FOXK1: variants seen among roughly 807,000 people sequenced by gnomAD.
FOXK1 encodes forkhead box K1.
FOXK1 carries 19 observed loss-of-function variants against 51.9 expected under a neutral mutation model. The observed-to-expected ratio is 0.37, with a 90% confidence interval of 0.26 to 0.54. The LOEUF is 0.54. FOXK1 is among the 20% of genes least tolerant of loss of function. The pLI is 0.87. For missense variants in FOXK1, 870 were observed against 1,032.7 expected (o/e 0.84, Z 2.16); for synonymous variants, 537 against 482.6 (o/e 1.11, Z -1.48).
In FOXK1 at chr7:4,755,442, C is replaced by G. The variant is rs1780834467; in HGVS notation, c.1050+59C>G. Reference sequence around the variant, plus strand: ...GAAGGCCCTTAGAACATGGAACTCACAGGCATATTGCTTCCCTTAAAACAG... The same window carrying G: ...GAAGGCCCTTAGAACATGGAACTCAGAGGCATATTGCTTCCCTTAAAACAG... On this transcript the variant is annotated intron_variant, in intron 4 of 8. Coordinates refer to ENST00000328914, the MANE Select transcript of FOXK1 (RefSeq NM_001037165.2). The surrounding 1 kb of genome is among the most constrained non-coding windows in gnomAD (Gnocchi z 6.6). The G allele has an allele frequency of 6.3e-7, 1 of 1,591,204 alleles. No individual in the cohort carries two copies. Among genetic ancestry groups the G allele is most frequent in the African/African-American group, 1.3e-5 (1 of 74,526 alleles).
Position 4,731,975 on chromosome 7 carries a change from GC to G in FOXK1, c.561-8862del, listed in dbSNP as rs1288057108. Among the ~76,000 whole-genome samples, 1 of 152,214 alleles carries G rather than the reference GC, an allele frequency of 6.6e-6. No homozygotes were observed. The highest frequency in any genetic ancestry group is 6.5e-5 in the Admixed American group (1 of 15,268). On this transcript the variant is annotated intron_variant, in intron 1 of 8. Transcript: ENST00000328914. This position sits in a 1 kb window ranked among gnomAD's most constrained non-coding sequence, Gnocchi z 5.3. ...CGGAGGCCGGGCTGGCCAGGGCGGGGCTCAGATTCAGTGACTTGCCCAGGTG... is the reference window on the plus strand; with the variant it reads ...CGGAGGCCGGGCTGGCCAGGGCGGGGTCAGATTCAGTGACTTGCCCAGGTG...
At chr7:4,688,482 C>T (rs538748103) in intron 1 of FOXK1, among the ~76,000 whole-genome samples, 11 of 151,942 alleles carry the variant, frequency 7.2e-5, no homozygotes, top group African/African-American at 2.7e-4. Context: ...CTCACTGCAA[C>T]CTCCCAGGTT....
chr7:4,724,964 AGTGGG>A (rs1780359866), intron 1 of FOXK1, among the ~76,000 whole-genome samples: 1 of 152,230 alleles, frequency 6.6e-6, no homozygotes, highest in African/African-American at 2.4e-5. Flanking sequence ...ACAGAAAAAT[AGTGGG>A]GACAGGGAGA....
At chr7:4,726,911 T>C (rs1780388168) in intron 1 of FOXK1, among the ~76,000 whole-genome samples, 1 of 152,214 alleles carries the variant, frequency 6.6e-6, no homozygotes. Context: ...CTGGTATATA[T>C]AATAATAGCA....
intron 7 of FOXK1, among the ~76,000 whole-genome samples, chr7:4,760,724 G>T (rs892819335): frequency 1.3e-5 from 2 of 151,952 alleles, no homozygotes; most frequent in Non-Finnish European, 2.9e-5. Context: ...GGTGGCAGGC[G>T]CCTGTAGTCC....
chr7:4,741,157 A>G (rs1583204520), intron 2 of FOXK1, 134 bp downstream of exon 2: 2 of 616,248 alleles, frequency 3.2e-6, no homozygotes, highest in Admixed American at 4.3e-5. Context: ...AAAGTGTTGT[A>G]CGTCCATCCG....
Position 4,722,889 on chromosome 7 carries a change from G to A in FOXK1, c.561-17949G>A, listed in dbSNP as rs891117410. Among the ~76,000 whole-genome samples, 1 of 152,126 alleles carries A rather than the reference G, an allele frequency of 6.6e-6. No homozygotes were observed. Among genetic ancestry groups the A allele is most frequent in the South Asian group, 2.1e-4 (1 of 4,820 alleles). On this transcript the variant is annotated intron_variant, in intron 1 of 8. Coordinates refer to ENST00000328914, the MANE Select transcript of FOXK1 (RefSeq NM_001037165.2). The surrounding 1 kb of genome is among the most constrained non-coding windows in gnomAD (Gnocchi z 5.1). Reference sequence around the variant, plus strand: ...CCCGCAGAATTGGCATCCAGGTGAGGTGCCTGTGGGCAGAGCTGTTGATGG... The same window carrying A: ...CCCGCAGAATTGGCATCCAGGTGAGATGCCTGTGGGCAGAGCTGTTGATGG...
chr7:4,737,288 G>C (rs888688360), intron 1 of FOXK1, among the ~76,000 whole-genome samples: 38 of 152,216 alleles, frequency 2.5e-4, no homozygotes, highest in African/African-American at 8.9e-4. Flanking sequence ...TGACAAATAG[G>C]AGAACATGGT....
At chr7:4,739,499 C>A (rs1416661285) in intron 1 of FOXK1, among the ~76,000 whole-genome samples, 1 of 152,166 alleles carries the variant, frequency 6.6e-6, no homozygotes, top group Non-Finnish European at 1.5e-5. Flanking sequence ...GAAAGGTGAC[C>A]TGGATAAGTA....
intron 1 of FOXK1, among the ~76,000 whole-genome samples, chr7:4,708,552 A>G (rs1478574892): frequency 1.3e-5 from 2 of 152,248 alleles, no homozygotes; most frequent in African/African-American, 4.8e-5. Flanking sequence ...AAGATGACCA[A>G]GTTTAAGAAA....
Position 4,759,297 on chromosome 7 carries a change from C to T in FOXK1, c.1412-14C>T, listed in dbSNP as rs763625523. The T allele has an allele frequency of 1.9e-6, 3 of 1,601,690 alleles. No individual in the cohort carries two copies. Among genetic ancestry groups the T allele is most frequent in the Admixed American group, 1.7e-5 (1 of 59,780 alleles). Reference sequence around the variant, plus strand: ...GCGGGAGGGGTCACCGTCCGCTCTCCGCCCTCCGTGCAGGCTCCCCCGTCA... The same window carrying T: ...GCGGGAGGGGTCACCGTCCGCTCTCTGCCCTCCGTGCAGGCTCCCCCGTCA... On this transcript the variant is annotated splice_polypyrimidine_tract_variant and intron_variant, in intron 6 of 8. Transcript: ENST00000328914.
At chr7:4,710,814 G>C (rs557892237) in intron 1 of FOXK1, among the ~76,000 whole-genome samples, 8 of 152,258 alleles carry the variant, frequency 5.3e-5, no homozygotes, top group African/African-American at 1.9e-4. Context: ...AGCTCAGCTG[G>C]AGCCACCAGT....
chr7:4,717,694 T>G (rs78805347), intron 1 of FOXK1, among the ~76,000 whole-genome samples: 3 of 152,166 alleles, frequency 2.0e-5, no homozygotes, highest in Non-Finnish European at 4.4e-5. Context: ...CTGGTCCTGG[T>G]GGCCTCCTTG....
At chr7:4,689,152 A>G (rs1274640122) in intron 1 of FOXK1, among the ~76,000 whole-genome samples, 1 of 151,802 alleles carries the variant, frequency 6.6e-6, no homozygotes, top group Admixed American at 6.6e-5. Context: ...TAATTTTTGT[A>G]TTTTTAGTAG....
Position 4,761,314 on chromosome 7 carries a change from G to T in FOXK1, c.1921+26G>T. On this transcript the variant is annotated intron_variant, in intron 8 of 8. Transcript: ENST00000328914. This position sits in a 1 kb window ranked among gnomAD's most constrained non-coding sequence, Gnocchi z 6.2. Reference sequence around the variant, plus strand: ...GTGAGGCCCTGGCCCTGTTCTCCATGCCACATCCCAAGCTCTGTGGCTCCC... The same window carrying T: ...GTGAGGCCCTGGCCCTGTTCTCCATTCCACATCCCAAGCTCTGTGGCTCCC... 2 of 1,598,472 alleles carry T rather than the reference G, an allele frequency of 1.3e-6. No individual in the cohort carries two copies. The highest frequency in any genetic ancestry group is 1.7e-6 in the Non-Finnish European group (2 of 1,172,812).
Position 4,770,987 on chromosome 7 carries a change from A to G in FOXK1, c.*8523A>G, listed in dbSNP as rs899222164. 2.0e-5 allele frequency: 3 copies of G among 151,800 alleles called. No homozygotes were observed. Among genetic ancestry groups the G allele is most frequent in the Non-Finnish European group, 2.9e-5 (2 of 67,980 alleles). 9.4% of individuals were successfully genotyped at this position (151,800 alleles called of 1,614,324 possible). A position where few individuals can be genotyped will look rare whatever the true frequency, so the allele number is the denominator to read the frequency against. ...GTGCTTTAAAAAGCAGCAGTGTCCT[A>G]TGAAGTGGAAATGTCAGTTCTAGAG... On this transcript the variant is annotated 3_prime_UTR_variant, in exon 9 of 9. Coordinates refer to ENST00000328914, the MANE Select transcript of FOXK1 (RefSeq NM_001037165.2).
At chr7:4,716,241 AAAAG>A (rs565710819) in intron 1 of FOXK1, among the ~76,000 whole-genome samples, 3,547 of 151,520 alleles carry the variant, frequency 0.023, 48 homozygotes, top group Middle Eastern at 0.045. Context: ...AAAAAAAAAA[AAAAG>A]AAAGAAAGAA....
At chr7:4,697,193 AAG>A (rs1278406049) in intron 1 of FOXK1, among the ~76,000 whole-genome samples, 1 of 152,198 alleles carries the variant, frequency 6.6e-6, no homozygotes, top group East Asian at 1.9e-4. Context: ...TCTGGAGGAA[AAG>A]AGGGAGGCTC....
chr7:4,764,332 T>C lies in FOXK1; in HGVS notation c.*1868T>C, dbSNP rs1380704602. The C allele has an allele frequency of 6.5e-6, 1 of 154,462 alleles. No homozygotes were observed. 9.6% of individuals were successfully genotyped at this position (154,462 alleles called of 1,614,324 possible). On this transcript the variant is annotated 3_prime_UTR_variant, in exon 9 of 9. Coordinates refer to ENST00000328914, the MANE Select transcript of FOXK1 (RefSeq NM_001037165.2). ...AGCCCCCCGAATTGAGTCGTTTCTA[T>C]GGCACTAACCTTTCCATGGGAAATA...
Sources: gnomAD v4.1 joint callset for allele counts (sites outside exome capture counted in the v4.1 genomes callset) on GRCh38, gnomAD v4.1.1 for gene constraint, Gnocchi (gnomAD v3.1) non-coding constraint, MANE v1.5 for transcripts, NCBI Gene and HGNC (gene_info 2026-07-23, HGNC 2026-07-21) for gene names.